The following ADARB2 variants were observed in gnomAD, a reference collection of about 807,000 sequenced individuals.
The protein encoded by ADARB2 is inactive double-stranded RNA-specific editase B2.
Under a neutral mutation model 62.2 loss-of-function variants are expected in ADARB2, and 25 were observed. The ratio of observed to expected loss-of-function variants is 0.40; its 90% CI spans 0.29 to 0.56. The LOEUF is 0.56. Among genes scored for constraint, ADARB2 ranks in the 20% least tolerant of loss-of-function variants. The pLI is 0.43. For synonymous variants in ADARB2, 572 were observed against 500.8 expected (o/e 1.14, Z -1.90); for missense variants, 1,071 against 1,077.4 (o/e 0.99, Z 0.08).
chr10:1,599,916 T>C (rs1289137834), intron 1 of ADARB2, among the ~76,000 whole-genome samples: 1 of 152,054 alleles, frequency 6.6e-6, no homozygotes, highest in Non-Finnish European at 1.5e-5. Context: ...CTAATTTTTG[T>C]ATTTTTTTTC....
At chr10:1,311,579 C>T (rs934555574) in intron 3 of ADARB2, among the ~76,000 whole-genome samples, 39 of 152,162 alleles carry the variant, frequency 2.6e-4, no homozygotes, top group African/African-American at 8.9e-4. Context: ...CTGGCCAAGG[C>T]GCCTAGAGTG....
chr10:1,425,833 T>G lies in ADARB2; in HGVS notation c.101-46673A>C, dbSNP rs543675998. On this transcript the variant is annotated intron_variant, in intron 1 of 9. Coordinates refer to ENST00000381312, the MANE Select transcript of ADARB2 (RefSeq NM_018702.4). ...ATGAAGACATCATGGGCAGGAAGCA[T>G]GCATGCTGGAATAGATTAGCAAACA... Among the ~76,000 whole-genome samples the G allele has an allele frequency of 2.0e-5, 3 of 152,300 alleles. No individual in the cohort carries two copies. In the South Asian group the frequency reaches 6.2e-4, roughly 32 times the overall value.
intron 1 of ADARB2, among the ~76,000 whole-genome samples, chr10:1,636,869 T>C (rs1833923183): frequency 6.7e-6 from 1 of 148,516 alleles, no homozygotes; most frequent in South Asian, 2.1e-4. Context: ...ATAATATTGA[T>C]ATGTAATATA....
chr10:1,263,424 C>G (rs536566399), intron 4 of ADARB2, among the ~76,000 whole-genome samples: 1 of 152,188 alleles, frequency 6.6e-6, no homozygotes, highest in South Asian at 2.1e-4. Flanking sequence ...TGTTATGCTT[C>G]CAGTAAAAAA....
chr10:1,727,441 C>T (rs994476456), intron 1 of ADARB2, among the ~76,000 whole-genome samples: 1 of 152,144 alleles, frequency 6.6e-6, no homozygotes, highest in Non-Finnish European at 1.5e-5. Context: ...ACAGCCTCCC[C>T]CGAAAATGTT....
At chr10:1,512,191 T>C (rs1371352370) in intron 1 of ADARB2, among the ~76,000 whole-genome samples, 2 of 152,034 alleles carry the variant, frequency 1.3e-5, no homozygotes, top group Non-Finnish European at 2.9e-5. Context: ...CTACACTGGA[T>C]ACCAACATAT....
intron 3 of ADARB2, among the ~76,000 whole-genome samples, chr10:1,273,066 A>G (rs1483552155): frequency 6.6e-6 from 1 of 152,070 alleles, no homozygotes; most frequent in Non-Finnish European, 1.5e-5. Flanking sequence ...TGTAGGGACA[A>G]TTGTCATTGA....
chr10:1,205,425 C>T (rs991217637), intron 7 of ADARB2, among the ~76,000 whole-genome samples: 3 of 123,914 alleles, frequency 2.4e-5, no homozygotes, highest in African/African-American at 8.0e-5. Flanking sequence ...CACTGGAGCC[C>T]GTGGCACAGC....
intron 1 of ADARB2, among the ~76,000 whole-genome samples, chr10:1,502,209 C>T (rs1304636279): frequency 6.6e-6 from 1 of 152,242 alleles, no homozygotes; most frequent in African/African-American, 2.4e-5. Flanking sequence ...CCCGGCCCCT[C>T]CTGCACCTGC....
intron 1 of ADARB2, among the ~76,000 whole-genome samples, chr10:1,639,069 A>G (rs1235353963): frequency 6.6e-6 from 1 of 152,232 alleles, no homozygotes; most frequent in Non-Finnish European, 1.5e-5. Context: ...GGGTGGAAAC[A>G]GCAGGGAGCA....
intron 3 of ADARB2, among the ~76,000 whole-genome samples, chr10:1,281,393 G>T (rs1389061770): frequency 2.6e-5 from 4 of 152,226 alleles, no homozygotes; most frequent in Non-Finnish European, 5.9e-5. Context: ...AGATTTCTGT[G>T]TGTTGGTGGT....
At chr10:1,589,504 G>A (rs28631615) in intron 1 of ADARB2, among the ~76,000 whole-genome samples, 4 of 152,094 alleles carry the variant, frequency 2.6e-5, no homozygotes, top group South Asian at 2.1e-4. Flanking sequence ...GGACATCCAC[G>A]GTCGGGGCGT....
At position 1,233,771 on chromosome 10, in the gene ADARB2, A is replaced by C. The variant is rs764176219; in HGVS notation, c.1436T>G (p.Ile479Ser). Reference protein sequence around the residue: ...KEGGYRLRENILFHLYVSTSP... With the variant: ...KEGGYRLRENSLFHLYVSTSP... ...GGTGCTCACGTAGAGATGGAAGAGG[A>C]TGTTCTCTCGCAGCCGGTAGCCACC... Residue 479 changes from isoleucine to serine, a missense_variant, in exon 6 of 10, where the codon ATC becomes AGC. By Grantham distance (142) the Ile-to-Ser change is moderately radical. Transcript: ENST00000381312. The C allele has an allele frequency of 1.9e-6, 3 of 1,613,904 alleles. No homozygotes were observed. The highest frequency in any genetic ancestry group is 2.5e-6 in the Non-Finnish European group (3 of 1,179,964).
At chr10:1,696,006 CTGTG>C (rs1243825018) in intron 1 of ADARB2, among the ~76,000 whole-genome samples, 1 of 151,882 alleles carries the variant, frequency 6.6e-6, no homozygotes, top group Non-Finnish European at 1.5e-5. Context: ...TGGGGTGTGC[CTGTG>C]TGTATGCCTG....
At chr10:1,730,291 C>T (rs1439678311) in intron 1 of ADARB2, among the ~76,000 whole-genome samples, 3 of 152,166 alleles carry the variant, frequency 2.0e-5, no homozygotes, top group East Asian at 1.9e-4. Context: ...AGGAGTGAGA[C>T]GGTACTTAAC....
chr10:1,694,021 A>G (rs1418989887), intron 1 of ADARB2, among the ~76,000 whole-genome samples: 1 of 152,210 alleles, frequency 6.6e-6, no homozygotes, highest in South Asian at 2.1e-4. Flanking sequence ...GCCTCAGTAA[A>G]ACTTAAATCT....
intron 3 of ADARB2, among the ~76,000 whole-genome samples, chr10:1,314,791 C>T (rs575700937): frequency 2.0e-5 from 3 of 152,270 alleles, no homozygotes; most frequent in African/African-American, 4.8e-5. Context: ...AAAGCTTCAG[C>T]GGCTCTCCAG....
In ADARB2 at chr10:1,363,085, G is replaced by C. The variant is rs1832276037; in HGVS notation, c.1020C>G (p.Phe340Leu). Residue 340 changes from phenylalanine to leucine, a missense_variant, in exon 3 of 10, where the codon TTC becomes TTG. Physicochemically the swap from Phe to Leu is conservative, Grantham distance 22. Coordinates refer to ENST00000381312, the MANE Select transcript of ADARB2 (RefSeq NM_018702.4). ...GCGCGTGGCCGGGCATCTGGATGTC[G>C]AACAGCTCCTGCAGTGCGGCCTGCG... ...QAAQAALQEL[F>L]DIQMPGHAPG... 1 of 1,483,842 alleles carries C rather than the reference G, an allele frequency of 6.7e-7. No individual in the cohort carries two copies. The highest frequency in any genetic ancestry group is 1.3e-5 in the South Asian group (1 of 76,740). The allele number at this position is 1,483,842 out of a possible 1,614,324, so 91.9% of individuals were successfully genotyped here.
rs1026056200 is a variant in ADARB2 at position 1,364,299 on chromosome 10, G to A, written c.188-382C>T. ...AGTGTCCCCCTTCCCACCTGCTACAGGGACCTCCAGGCCCGGTGCCCAATG... is the reference window on the plus strand; with the variant it reads ...AGTGTCCCCCTTCCCACCTGCTACAAGGACCTCCAGGCCCGGTGCCCAATG... On this transcript the variant is annotated intron_variant, in intron 2 of 9. Coordinates refer to ENST00000381312, the MANE Select transcript of ADARB2 (RefSeq NM_018702.4). Among the ~76,000 whole-genome samples, 7 of 152,184 alleles carry A rather than the reference G, an allele frequency of 4.6e-5. No homozygotes were observed. The East Asian group carries it at 1.2e-3, about 25-fold the overall frequency.
Sources: allele counts gnomAD v4.1 joint callset (sites outside exome capture counted in the v4.1 genomes callset), GRCh38; gene constraint gnomAD v4.1.1; transcripts MANE v1.5; gene names NCBI Gene and HGNC (gene_info 2026-07-23, HGNC 2026-07-21).